Variants in MRC2 observed in about 807,000 individuals in gnomAD.
MRC2 encodes C-type mannose receptor 2.
In MRC2, 84 loss-of-function variants were observed where a neutral mutation model predicts 206.2. The observed-to-expected ratio is 0.41, with a 90% CI of 0.34 to 0.49. The LOEUF is 0.49. Among genes scored for constraint, MRC2 ranks in the 20% least tolerant of loss-of-function variants. The pLI is 0.31. For synonymous variants in MRC2, 798 were observed against 800.0 expected (o/e 1.00, Z 0.04); for missense variants, 1,676 against 2,001.5 (o/e 0.84, Z 3.10).
chr17:62,671,879 C>T lies in MRC2; in HGVS notation c.1306+42C>T. 4 of 1,585,242 alleles carry T rather than the reference C, an allele frequency of 2.5e-6. No homozygotes were observed. The highest frequency in any genetic ancestry group is 3.4e-6 in the Non-Finnish European group (4 of 1,161,992). ...CCACGTGTCTGGGTGGAGGGCAGGG[C>T]CTCCCACTGCCCCACCCATCCTGTC... is the stretch of plus-strand genomic sequence containing the variant. On this transcript the variant is annotated intron_variant, in intron 7 of 29. Coordinates refer to ENST00000303375, the MANE Select transcript of MRC2 (RefSeq NM_006039.5). This position sits in a 1 kb window ranked among gnomAD's most constrained non-coding sequence, Gnocchi z 4.5.
rs530001972 is a variant in MRC2, at chr17:62,675,660, A to G, written c.1570-130A>G. On this transcript the variant is annotated intron_variant, in intron 9 of 29. Coordinates refer to ENST00000303375, the MANE Select transcript of MRC2 (RefSeq NM_006039.5). The surrounding 1 kb of genome is among the most constrained non-coding windows in gnomAD (Gnocchi z 4.1). Reference sequence around the variant, plus strand: ...AGGTGCAGAACACAGCCCAGTACTCAAACCAGTCCCCTCCGTCCTGAGCAC... The same window carrying G: ...AGGTGCAGAACACAGCCCAGTACTCGAACCAGTCCCCTCCGTCCTGAGCAC... 3.3e-5 allele frequency: 24 copies of G among 724,816 alleles called. No individual in the cohort carries two copies. The highest frequency in any genetic ancestry group is 2.4e-4 in the Middle Eastern group (1 of 4,118). 44.9% of individuals were successfully genotyped at this position (724,816 alleles called of 1,614,324 possible).
chr17:62,661,551 T>G (rs1032372491), intron 1 of MRC2: 4 of 145,006 alleles, frequency 2.8e-5, no homozygotes, highest in Non-Finnish European at 4.5e-5. Flanking sequence ...TTTCTTTCTC[T>G]TTCTTTCTTT....
intron 1 of MRC2, among the ~76,000 whole-genome samples, chr17:62,651,954 G>GT (rs1307777572): frequency 6.6e-6 from 1 of 152,164 alleles, no homozygotes; most frequent in South Asian, 2.1e-4. Context: ...TCTTTTGTTT[G>GT]TGGGGGGGTA....
chr17:62,692,212 C>G lies in MRC2; in HGVS notation c.4220-19C>G, dbSNP rs368008045. The G allele has an allele frequency of 6.2e-7, 1 of 1,612,938 alleles. No homozygotes were observed. ...GGCCTAACGCCCACTTGGCCTTTCA[C>G]GCCCACTCGCCTTGGCAGCGCTTCC... On this transcript the variant is annotated intron_variant, in intron 29 of 29. Coordinates refer to ENST00000303375, the MANE Select transcript of MRC2 (RefSeq NM_006039.5). This position sits in a 1 kb window ranked among gnomAD's most constrained non-coding sequence, Gnocchi z 4.2.
chr17:62,687,913 A>T (rs1021929391), intron 20 of MRC2, among the ~76,000 whole-genome samples: 6 of 152,060 alleles, frequency 3.9e-5, no homozygotes, highest in Non-Finnish European at 8.8e-5. Flanking sequence ...AGAGATGATC[A>T]TGTAAGTTCA....
chr17:62,676,806 G>A (rs1428863391), intron 11 of MRC2, among the ~76,000 whole-genome samples: 2 of 152,218 alleles, frequency 1.3e-5, no homozygotes, highest in African/African-American at 4.8e-5. Flanking sequence ...TTAAATATGT[G>A]TAAAGTGCTA....
At chr17:62,679,599 C>T (rs2088934987) in intron 13 of MRC2, 1 of 466,412 alleles carries the variant, frequency 2.1e-6, no homozygotes, top group Non-Finnish European at 3.8e-6. Flanking sequence ...TGGTCCAGCT[C>T]TCCCCAGCTC....
At chr17:62,646,353 T>A (rs549352624) in intron 1 of MRC2, among the ~76,000 whole-genome samples, 1 of 151,820 alleles carries the variant, frequency 6.6e-6, no homozygotes, top group South Asian at 2.1e-4. Context: ...AGAGACAGGG[T>A]CTCATTATGT....
chr17:62,665,943 G>A, intron 2 of MRC2, 151 bp from the exon 3 acceptor site: 2 of 745,904 alleles, frequency 2.7e-6, no homozygotes, highest in East Asian at 2.8e-5. Context: ...AAGCCTTAAA[G>A]CCACTATGGG....
chr17:62,646,023 A>ATTTTTTT (rs34679697), intron 1 of MRC2, among the ~76,000 whole-genome samples: 6 of 106,386 alleles, frequency 5.6e-5, no homozygotes, highest in African/African-American at 2.1e-4. Flanking sequence ...GTCCTTTTCT[A>ATTTTTTT]TTTTTTTTTT....
chr17:62,679,632 C>G (rs1287367216), intron 13 of MRC2, 168 bp from the exon 14 acceptor site: 2 of 572,694 alleles, frequency 3.5e-6, no homozygotes, highest in Non-Finnish European at 6.1e-6. Context: ...AGAACTTTAC[C>G]GAAGTGACCT....
chr17:62,645,453 T>C (rs1018430280), intron 1 of MRC2, among the ~76,000 whole-genome samples: 6 of 146,064 alleles, frequency 4.1e-5, no homozygotes, highest in Non-Finnish European at 9.0e-5. Context: ...ATAATATACA[T>C]ATTGTGTGTG....
At chr17:62,639,860 TC>T (rs943211238) in intron 1 of MRC2, among the ~76,000 whole-genome samples, 50 of 151,948 alleles carry the variant, frequency 3.3e-4, no homozygotes, top group Middle Eastern at 3.4e-3. Flanking sequence ...GGCTAATGAT[TC>T]TTTTTTTTTG....
chr17:62,641,010 ATT>A (rs891587341), intron 1 of MRC2, among the ~76,000 whole-genome samples: 14 of 145,136 alleles, frequency 9.6e-5, no homozygotes, highest in Non-Finnish European at 1.8e-4. Context: ...GCCCGGCCTA[ATT>A]TTTTTTTTTT....
chr17:62,677,665 GA>G (rs2088911156), intron 12 of MRC2, among the ~76,000 whole-genome samples, 179 bp downstream of exon 12: 1 of 152,190 alleles, frequency 6.6e-6, no homozygotes, highest in Non-Finnish European at 1.5e-5. Context: ...ATCATTTGAG[GA>G]ATTGAGGGAA....
chr17:62,666,295 G>A lies in MRC2; in HGVS notation c.694+28G>A, dbSNP rs1175425888. The A allele has an allele frequency of 1.3e-6, 2 of 1,557,070 alleles. No homozygotes were observed. The highest frequency in any genetic ancestry group is 1.9e-5 in the Admixed American group (1 of 52,398). On this transcript the variant is annotated intron_variant, in intron 3 of 29. Transcript: ENST00000303375. This position sits in a 1 kb window ranked among gnomAD's most constrained non-coding sequence, Gnocchi z 5.0. ...GAGAGCTGTTGGAGCCGTGGGGGCG[G>A]GGGCAGTGTTCCTGGAGGGAGGCTG...
chr17:62,665,738 GTGGGGACACAGAGCCCA>G (rs2088744455), intron 2 of MRC2, among the ~76,000 whole-genome samples: 1 of 152,172 alleles, frequency 6.6e-6, no homozygotes, highest in Non-Finnish European at 1.5e-5. Flanking sequence ...ATAGAACTTT[GTGGGGACACAGAGCCCA>G]TGGGCTGGGT....
Position 62,633,521 on chromosome 17 carries a change from A to G in MRC2, c.118+5601A>G, listed in dbSNP as rs201194878. Among the ~76,000 whole-genome samples the G allele has an allele frequency of 5.3e-4, 79 of 148,026 alleles. No individual in the cohort carries two copies. The East Asian group carries it at 0.013, about 25-fold the overall frequency. On this transcript the variant is annotated intron_variant, in intron 1 of 29. Coordinates refer to ENST00000303375, the MANE Select transcript of MRC2 (RefSeq NM_006039.5). ...CCGTCTCAAAAAAAAAAAAAAAAAA[A>G]AGAGAAAACATGACTATCAAGGTTC...
chr17:62,653,528 A>G (rs1242570055), intron 1 of MRC2, among the ~76,000 whole-genome samples: 2 of 152,162 alleles, frequency 1.3e-5, no homozygotes, highest in Non-Finnish European at 2.9e-5. Context: ...TTCCTAGAAC[A>G]CAGGATATCA....
Sources: allele counts gnomAD v4.1 joint callset (sites outside exome capture counted in the v4.1 genomes callset), GRCh38; gene constraint gnomAD v4.1.1; non-coding constraint Gnocchi (gnomAD v3.1); transcripts MANE v1.5; gene names NCBI Gene and HGNC (gene_info 2026-07-23, HGNC 2026-07-21).